SPAG5: variants seen among roughly 807,000 people sequenced by gnomAD.
The protein encoded by SPAG5 is sperm associated antigen 5.
In SPAG5, 99 loss-of-function variants were observed where a neutral mutation model predicts 145.4. That is an observed-to-expected ratio of 0.68 (90% CI 0.58 to 0.80). The LOEUF (loss-of-function observed/expected upper bound fraction) is 0.80. Among genes scored for constraint, SPAG5 ranks in the 30% least tolerant of loss-of-function variants. The probability of loss-of-function intolerance (pLI) is 0.00; values close to 1 mark genes in which losing one functional copy is unlikely to be tolerated. For missense variants in SPAG5, 1,192 were observed against 1,416.0 expected (o/e 0.84, Z 2.54); for synonymous variants, 477 against 525.4 (o/e 0.91, Z 1.26).
chr17:28,577,803 C>A (rs1006390377), intron 23 of SPAG5, 33 bp from the exon 24 acceptor site: 2 of 1,577,644 alleles, frequency 1.3e-6, no homozygotes, highest in African/African-American at 2.7e-5. Flanking sequence ...CAGCTCAGGA[C>A]CACAGACTTA....
chr17:28,579,936 G>A, intron 16 of SPAG5, 73 bp downstream of exon 16: 1 of 1,514,128 alleles, frequency 6.6e-7, no homozygotes, highest in Non-Finnish European at 9.2e-7. Context: ...CCCGCTGGTG[G>A]ACATCTTCAA....
intron 11 of SPAG5, 34 bp downstream of exon 11, chr17:28,584,618 A>ACATG: frequency 6.3e-7 from 1 of 1,598,420 alleles, no homozygotes; most frequent in Non-Finnish European, 8.6e-7. Flanking sequence ...TCAAATGCTT[A>ACATG]CATGCATGCA....
At chr17:28,594,584 G>A (rs184624348) in intron 2 of SPAG5, among the ~76,000 whole-genome samples, 27 of 152,188 alleles carry the variant, frequency 1.8e-4, no homozygotes, top group African/African-American at 6.5e-4. Flanking sequence ...AACAGAGCGA[G>A]ACTCCGTCTC....
At position 28,584,643 on chromosome 17, in the gene SPAG5, C is replaced by T; in HGVS notation, c.2161+9G>A. On this transcript the variant is annotated intron_variant, in intron 11 of 23. Coordinates refer to ENST00000321765, the MANE Select transcript of SPAG5 (RefSeq NM_006461.4). ...ACATGCATGCATACACACACACACA[C>T]ACAAACACCTGTTGCTAGACGACTG... The T allele has an allele frequency of 6.2e-7, 1 of 1,612,626 alleles. No individual in the cohort carries two copies. The highest frequency in any genetic ancestry group is 8.5e-7 in the Non-Finnish European group (1 of 1,178,592).
At chr17:28,582,778 G>A (rs190162114) in intron 15 of SPAG5, 4 of 152,314 alleles carry the variant, frequency 2.6e-5, no homozygotes, top group Non-Finnish European at 5.9e-5. Context: ...ACACTGCAGG[G>A]AGGCCAAAGA....
intron 15 of SPAG5, among the ~76,000 whole-genome samples, chr17:28,581,734 C>T (rs1046758231): frequency 3.3e-5 from 5 of 152,190 alleles, no homozygotes; most frequent in African/African-American, 1.2e-4. Flanking sequence ...ACCACTAGCT[C>T]CCCTCAGTCT....
chr17:28,581,671 G>A (rs1223626106), intron 15 of SPAG5, among the ~76,000 whole-genome samples: 2 of 151,638 alleles, frequency 1.3e-5, no homozygotes, highest in African/African-American at 2.4e-5. Flanking sequence ...CAGTTCTCCC[G>A]CCTTCTCTGC....
Position 28,584,002 on chromosome 17 carries a change from A to G in SPAG5, c.2413-16T>C. 1 of 1,614,076 alleles carries G rather than the reference A, an allele frequency of 6.2e-7. No homozygotes were observed. Among genetic ancestry groups the G allele is most frequent in the Middle Eastern group, 1.7e-4 (1 of 6,048 alleles). ...GGTCTGCAAACTGGGAAGACAAGAG[A>G]AGGAGCAAGACAGGGAGGGAGAATT... On this transcript the variant is annotated splice_polypyrimidine_tract_variant and intron_variant, in intron 13 of 23. Coordinates refer to ENST00000321765, the MANE Select transcript of SPAG5 (RefSeq NM_006461.4).
At position 28,580,170 on chromosome 17, in the gene SPAG5, TG is replaced by T. The variant is rs1203735219; in HGVS notation, c.2686-51del. The T allele has an allele frequency of 4.6e-6, 6 of 1,311,194 alleles. No homozygotes were observed. The Admixed American group carries it at 8.5e-5, about 19-fold the overall frequency. 81.2% of individuals were successfully genotyped at this position (1,311,194 alleles called of 1,614,324 possible). On this transcript the variant is annotated intron_variant, in intron 15 of 23. Transcript: ENST00000321765. The stretch of plus-strand genomic sequence containing the variant: ...CTGCTGTTCAGGTCTAGTGAACTCC[TG>T]GGCTTCCAGGTAACTCCCAGCCATC...
Position 28,586,410 on chromosome 17 carries a change from T to C in SPAG5, c.1512+15A>G. 1 of 1,600,408 alleles carries C rather than the reference T, an allele frequency of 6.2e-7. No homozygotes were observed. The highest frequency in any genetic ancestry group is 2.2e-5 in the East Asian group (1 of 44,822). On this transcript the variant is annotated intron_variant, in intron 5 of 23. Transcript: ENST00000321765. ...CAGGAGACCCAGTGGTGGTGTAAGG[T>C]CAATCATCACTTACCATGACATTTC...
At position 28,583,861 on chromosome 17, in the gene SPAG5, C is replaced by A. The variant is rs1415650093; in HGVS notation, c.2538G>T (p.Glu846Asp). 3.1e-6 allele frequency: 5 copies of A among 1,613,226 alleles called. No individual in the cohort carries two copies. Among genetic ancestry groups the A allele is most frequent in the Non-Finnish European group, 4.2e-6 (5 of 1,179,444 alleles). Residue 846 changes from glutamate (E) to aspartate (D), a missense_variant, in exon 14 of 24, where the codon GAG (glutamate) becomes GAT (aspartate). Transcript: ENST00000321765. Reference sequence around the variant, plus strand: ...AAAGTTAGAGAACTTACGTTAGGTTCTCTACAGTGTCCTTGAGGTTCTCAC... The same window carrying A: ...AAAGTTAGAGAACTTACGTTAGGTTATCTACAGTGTCCTTGAGGTTCTCAC... ...LQCENLKDTV[E>D]NLTAKLASTI...
At chr17:28,577,924 G>A in intron 23 of SPAG5, 86 bp downstream of exon 23, 2 of 1,308,514 alleles carry the variant, frequency 1.5e-6, no homozygotes, top group Non-Finnish European at 2.2e-6. Flanking sequence ...GCACAGGCTG[G>A]GAACCAGATC....
At position 28,592,759 on chromosome 17, in the gene SPAG5, C is replaced by A. The variant is rs768937910; in HGVS notation, c.485G>T (p.Gly162Val). ...MAETNSISLN[G>V]PLRTDDLVRE... ...CACCAGATCGTCTGTTCTCAAAGGT[C>A]CATTTAAAGATATGCTGTTTGTCTC... The change falls in exon 3 of 24, where the codon GGA becomes GTA. Residue 162 changes from glycine (G) to valine (V), a missense_variant. Gly to Val is a moderately radical substitution (Grantham distance 109). Transcript: ENST00000321765. 3 of 1,614,172 alleles carry A rather than the reference C, an allele frequency of 1.9e-6. No individual in the cohort carries two copies. In the Admixed American group the frequency reaches 5.0e-5, roughly 27 times the overall value.
At chr17:28,593,651 G>C (rs2070640035) in intron 2 of SPAG5, among the ~76,000 whole-genome samples, 1 of 152,026 alleles carries the variant, frequency 6.6e-6, no homozygotes, top group Non-Finnish European at 1.5e-5. Flanking sequence ...TGAAGCTCAG[G>C]GGGCAGAGGT....
At chr17:28,585,731 A>G (rs1369438867) in intron 7 of SPAG5, 78 bp from the exon 8 acceptor site, 2 of 1,609,164 alleles carry the variant, frequency 1.2e-6, no homozygotes, top group Non-Finnish European at 1.7e-6. Context: ...TGACACCTCA[A>G]TAGATCAGTT....
At position 28,585,405 on chromosome 17, in the gene SPAG5, G is replaced by A; in HGVS notation, c.1867C>T (p.Leu623Phe). The change falls in exon 9 of 24, where the codon CTT (leucine) becomes TTT (phenylalanine). Residue 623 changes from leucine to phenylalanine, a missense_variant. This residue lies in a region of SPAG5 where 709 missense variants were observed against 840.7 expected (regional missense o/e 0.84). Coordinates refer to ENST00000321765, the MANE Select transcript of SPAG5 (RefSeq NM_006461.4). ...LKDAQTQLVGLHAKQEELVQQ... is the reference protein window; with the variant it reads ...LKDAQTQLVGFHAKQEELVQQ... ...ACCAGCTCTTCTTGCTTGGCATGAAGCCCTACCTACAAAAGAAAGATTGCC... is the reference window on the plus strand; with the variant it reads ...ACCAGCTCTTCTTGCTTGGCATGAAACCCTACCTACAAAAGAAAGATTGCC... The A allele has an allele frequency of 6.2e-7, 1 of 1,614,178 alleles. No homozygotes were observed.
rs1287339321 is a variant in SPAG5, at chr17:28,585,314, C to T, written c.1953+5G>A. Reference sequence around the variant, plus strand: ...GAATTAGTTATGATGGTCCCAAATACTCACATCCAGTTGCATGGACCTCCA... The same window carrying T: ...GAATTAGTTATGATGGTCCCAAATATTCACATCCAGTTGCATGGACCTCCA... On this transcript the variant is annotated splice_donor_5th_base_variant and intron_variant, in intron 9 of 23. Transcript: ENST00000321765. 6.2e-7 allele frequency: 1 copy of T among 1,613,678 alleles called. No individual in the cohort carries two copies. The highest frequency in any genetic ancestry group is 8.5e-7 in the Non-Finnish European group (1 of 1,179,666).
intron 22 of SPAG5, 27 bp from the exon 23 acceptor site, chr17:28,578,117 C>T: frequency 6.2e-7 from 1 of 1,611,820 alleles, no homozygotes; most frequent in Non-Finnish European, 8.5e-7. Flanking sequence ...TTTTATAAGT[C>T]CTATGCATAA....
At chr17:28,584,853 G>C (rs1567624331) in intron 10 of SPAG5, 108 bp from the exon 11 acceptor site, 2 of 907,512 alleles carry the variant, frequency 2.2e-6, no homozygotes, top group Non-Finnish European at 3.6e-6. Flanking sequence ...CTTGCTCCTG[G>C]GCATCAACAT....
Sources: gnomAD v4.1 joint callset for allele counts (sites outside exome capture counted in the v4.1 genomes callset) on GRCh38, gnomAD v4.1.1 for gene constraint, gnomAD v4.1.1 regional missense constraint, MANE v1.5 for transcripts, NCBI Gene and HGNC (gene_info 2026-07-23, HGNC 2026-07-21) for gene names.